The following ZNF532 variants were observed in gnomAD, a reference collection of about 807,000 sequenced individuals.
ZNF532 encodes the protein zinc finger protein 532.
A neutral mutation model predicts 89.3 loss-of-function variants in ZNF532; 22 were observed. The ratio of observed to expected loss-of-function variants is 0.25; its 90% CI spans 0.18 to 0.35. ZNF532 has a LOEUF of 0.35. Ranked by LOEUF, ZNF532 falls within the 10% of genes least tolerant of loss-of-function variation. The probability of loss-of-function intolerance (pLI) is 1.00; values close to 1 mark genes in which losing one functional copy is unlikely to be tolerated. For missense variants in ZNF532, 1,132 were observed against 1,643.4 expected (o/e 0.69, Z 5.38); for synonymous variants, 606 against 649.6 (o/e 0.93, Z 1.02).
At chr18:58,945,540 T>C (rs1394176401) in intron 5 of ZNF532, among the ~76,000 whole-genome samples, 1 of 152,176 alleles carries the variant, frequency 6.6e-6, no homozygotes, top group Non-Finnish European at 1.5e-5. Flanking sequence ...TGTTTTACAC[T>C]TCCTGTTGTT....
At chr18:58,888,756 AAATTAATATATATAATTT>A (rs2058550554) in intron 2 of ZNF532, among the ~76,000 whole-genome samples, 3 of 35,386 alleles carry the variant, frequency 8.5e-5, no homozygotes, top group African/African-American at 4.5e-4. Flanking sequence ...TATATATATA[AAATTAATATATATAATTT>A]ATATATATAT....
In ZNF532 at chr18:58,904,125, C is replaced by T. The variant is rs546718306; in HGVS notation, c.-17-14146C>T. 3.2e-4 allele frequency among the ~76,000 whole-genome samples: 49 copies of T among 152,170 alleles called. 1 individual carries two copies. Among genetic ancestry groups the T allele is most frequent in the African/African-American group, 1.1e-3 (46 of 41,510 alleles). On this transcript the variant is annotated intron_variant, in intron 2 of 9. Coordinates refer to ENST00000591808, the MANE Select transcript of ZNF532 (RefSeq NM_001375912.1). ...CGGCACTTTGGGAGGCCGAGGCAGG[C>T]GAATTGCTTCAGCTCAGGGGTTTGG...
At chr18:58,983,286 G>A (rs1008478023) in intron 9 of ZNF532, among the ~76,000 whole-genome samples, 4 of 152,204 alleles carry the variant, frequency 2.6e-5, no homozygotes. Flanking sequence ...TAGGGGAAAT[G>A]GTGTGAAGGT....
rs977935735 is a variant in ZNF532, at chr18:58,984,538, A to G, written c.*72A>G. On this transcript the variant is annotated 3_prime_UTR_variant, in exon 10 of 10. Coordinates refer to ENST00000591808, the MANE Select transcript of ZNF532 (RefSeq NM_001375912.1). ...AAGACATTTTTGTTACAAAGTTTGC[A>G]GTATAATAGAGTTAACAGTACTGTC... The G allele has an allele frequency of 1.5e-4, 230 of 1,515,302 alleles. No individual in the cohort carries two copies. The highest frequency in any genetic ancestry group is 1.9e-4 in the Non-Finnish European group (212 of 1,132,224). The allele number at this position is 1,515,302 out of a possible 1,614,324, so 93.9% of individuals were successfully genotyped here.
At chr18:58,910,641 A>G (rs1212903416) in intron 2 of ZNF532, among the ~76,000 whole-genome samples, 3 of 151,520 alleles carry the variant, frequency 2.0e-5, no homozygotes, top group Non-Finnish European at 2.9e-5. Context: ...TAATTTTTGT[A>G]TTTGTAGTAG....
At chr18:58,927,755 A>G (rs576409978) in intron 3 of ZNF532, among the ~76,000 whole-genome samples, 1 of 152,312 alleles carries the variant, frequency 6.6e-6, no homozygotes, top group East Asian at 1.9e-4. Flanking sequence ...CCTGTCTTCA[A>G]GGAGAGATTG....
intron 7 of ZNF532, among the ~76,000 whole-genome samples, chr18:58,955,107 G>T (rs1272327719): frequency 6.6e-6 from 1 of 152,056 alleles, no homozygotes; most frequent in Admixed American, 6.5e-5. Flanking sequence ...GGTAAGCCTT[G>T]TCAGCTGGGC....
chr18:58,982,629 C>A (rs558155452), intron 9 of ZNF532, among the ~76,000 whole-genome samples: 10 of 151,606 alleles, frequency 6.6e-5, no homozygotes, highest in Admixed American at 2.6e-4. Context: ...CTCCACCCCC[C>A]CAAAAAAAGT....
intron 2 of ZNF532, among the ~76,000 whole-genome samples, chr18:58,890,196 G>C (rs951680792): frequency 1.3e-5 from 2 of 151,804 alleles, no homozygotes; most frequent in African/African-American, 4.8e-5. Flanking sequence ...GCAGTGAGCC[G>C]AGATTTTGAC....
chr18:58,923,893 G>A lies in ZNF532; in HGVS notation c.2346+3260G>A, dbSNP rs1314404722. On this transcript the variant is annotated intron_variant, in intron 3 of 9. Transcript: ENST00000591808. ...TTTTTTTGAGATGGAGTCTCACTCTGTCGCCCAGGCTGGAGTGCAGTGGCA... is the reference window on the plus strand; with the variant it reads ...TTTTTTTGAGATGGAGTCTCACTCTATCGCCCAGGCTGGAGTGCAGTGGCA... Among the ~76,000 whole-genome samples, 5 of 151,520 alleles carry A rather than the reference G, an allele frequency of 3.3e-5. No individual in the cohort carries two copies. In the East Asian group the frequency reaches 9.7e-4, roughly 29 times the overall value.
At chr18:58,908,730 A>G (rs1365081253) in intron 2 of ZNF532, among the ~76,000 whole-genome samples, 1 of 152,210 alleles carries the variant, frequency 6.6e-6, no homozygotes, top group Non-Finnish European at 1.5e-5. Context: ...CATGGATCAG[A>G]AAAAATGACC....
Position 58,885,421 on chromosome 18 carries a change from A to G in ZNF532, c.-18+19842A>G, listed in dbSNP as rs188811182. Among the ~76,000 whole-genome samples the G allele has an allele frequency of 2.4e-4, 36 of 152,324 alleles. 1 individual carries two copies. In the Middle Eastern group the frequency reaches 0.02, roughly 86 times the overall value. On this transcript the variant is annotated intron_variant, in intron 2 of 9. Coordinates refer to ENST00000591808, the MANE Select transcript of ZNF532 (RefSeq NM_001375912.1). ...AGGAAATTTATTATTATCTTCATTT[A>G]CAGATATACATTATGACCTTCAAAG... is the stretch of plus-strand genomic sequence containing the variant.
intron 2 of ZNF532, among the ~76,000 whole-genome samples, chr18:58,902,632 A>G (rs2059676288): frequency 1.3e-5 from 2 of 151,784 alleles, no homozygotes; most frequent in South Asian, 4.2e-4. Flanking sequence ...AGCTGGGATT[A>G]CAGTCATGTG....
upstream of ZNF532, chr18:58,863,374 GGCCGGGCGTCGGCGCCCGCCGGCC>G (rs2056121015): frequency 6.8e-6 from 1 of 147,744 alleles, no homozygotes; most frequent in Non-Finnish European, 1.5e-5. Flanking sequence ...GCTCCGCAGC[GGCCGGGCGTCGGCGCCCGCCGGCC>G]GCGGGGCTTC....
intron 7 of ZNF532, among the ~76,000 whole-genome samples, chr18:58,975,496 C>A (rs1274026621): frequency 6.6e-6 from 1 of 152,154 alleles, no homozygotes; most frequent in African/African-American, 2.4e-5. Context: ...TGAGGGAAGC[C>A]CCGTGGCAAA....
intron 4 of ZNF532, among the ~76,000 whole-genome samples, chr18:58,938,592 C>T (rs1294759607): frequency 2.0e-5 from 3 of 152,192 alleles, no homozygotes; most frequent in Non-Finnish European, 2.9e-5. Context: ...GGAGACAAAA[C>T]ACCTAGGTGG....
At chr18:58,903,149 T>C (rs2059708448) in intron 2 of ZNF532, among the ~76,000 whole-genome samples, 1 of 152,208 alleles carries the variant, frequency 6.6e-6, no homozygotes, top group South Asian at 2.1e-4. Context: ...GTTCCCCTTT[T>C]GGAAGATGAG....
intron 7 of ZNF532, among the ~76,000 whole-genome samples, chr18:58,966,738 GTTTTT>G (rs540133909): frequency 2.4e-5 from 3 of 125,992 alleles, no homozygotes; most frequent in African/African-American, 8.0e-5. Flanking sequence ...ATTTTTTTGT[GTTTTT>G]TTTTTTTTTT....
intron 5 of ZNF532, among the ~76,000 whole-genome samples, chr18:58,941,437 A>G (rs1037988184): frequency 3.3e-5 from 5 of 150,992 alleles, no homozygotes; most frequent in African/African-American, 9.7e-5. Context: ...ATAGAAAACA[A>G]TTATTCCAGT....
Sources: gnomAD v4.1 joint callset for allele counts (sites outside exome capture counted in the v4.1 genomes callset) on GRCh38, gnomAD v4.1.1 for gene constraint, MANE v1.5 for transcripts, NCBI Gene and HGNC (gene_info 2026-07-23, HGNC 2026-07-21) for gene names.